STARD13: variants seen among roughly 807,000 people sequenced by gnomAD.
STARD13 encodes the protein StAR related lipid transfer domain containing 13.
In STARD13, 62 loss-of-function variants were observed where a neutral mutation model predicts 106.4. That is an observed-to-expected ratio of 0.58 (90% CI 0.48 to 0.72). The LOEUF (loss-of-function observed/expected upper bound fraction) is 0.72, where lower values mean the gene tolerates loss of function less well. Ranked by LOEUF, STARD13 falls within the 30% of genes least tolerant of loss-of-function variation. The probability of loss-of-function intolerance (pLI) is 0.00; values close to 1 mark genes in which losing one functional copy is unlikely to be tolerated. For missense variants in STARD13, 1,387 were observed against 1,424.0 expected (o/e 0.97, Z 0.42); for synonymous variants, 565 against 553.0 (o/e 1.02, Z -0.31).
chr13:33,461,390 C>A, the STARD13 span, among the ~76,000 whole-genome samples: 1 of 152,104 alleles, frequency 6.6e-6, no homozygotes, highest in African/African-American at 2.4e-5. Context: ...AGTGCTTGTG[C>A]TAAGTTTTGT....
At chr13:33,623,771 A>G in the STARD13 span, among the ~76,000 whole-genome samples, 3 of 152,144 alleles carry the variant, frequency 2.0e-5, no homozygotes, top group Non-Finnish European at 4.4e-5. Context: ...TACTAAAAAG[A>G]CAACCAAATC....
Position 33,285,533 on chromosome 13 carries a change from G to A in STARD13, c.106C>T (p.Arg36Cys). Residue 36 changes from arginine (R) to cysteine (C), a missense_variant, in exon 1 of 14, where the codon CGC (arginine) becomes TGC (cysteine). Arg to Cys is a radical substitution (Grantham distance 180). Coordinates refer to ENST00000336934, the MANE Select transcript of STARD13 (RefSeq NM_178006.4). ...ATCCGGCTCATCCTGTAAGGAGAGC[G>A]TCTTGTAGTCTGATCAAATCGCAAG... is the stretch of plus-strand genomic sequence containing the variant. ...MYLRFDQTTR[R>C]SPYRMSRILA... The A allele has an allele frequency of 6.2e-7, 1 of 1,614,066 alleles. No individual in the cohort carries two copies. Among genetic ancestry groups the A allele is most frequent in the Non-Finnish European group, 8.5e-7 (1 of 1,179,922 alleles).
the STARD13 span, among the ~76,000 whole-genome samples, chr13:33,528,904 G>A: frequency 6.6e-6 from 1 of 152,148 alleles, no homozygotes; most frequent in African/African-American, 2.4e-5. Flanking sequence ...AAAATTTCAT[G>A]TAAAGAGGGT....
At chr13:33,314,151 G>GGA (rs747469188) in intron 1 of STARD13, among the ~76,000 whole-genome samples, 1 of 152,100 alleles carries the variant, frequency 6.6e-6, no homozygotes, top group Non-Finnish European at 1.5e-5. Context: ...GCTGGCACCT[G>GGA]GAGAGAGACC....
chr13:33,547,872 G>C, the STARD13 span, among the ~76,000 whole-genome samples: 2 of 152,118 alleles, frequency 1.3e-5, no homozygotes, highest in Admixed American at 6.5e-5. Flanking sequence ...ATATTCATAA[G>C]AATCTTAGAT....
chr13:33,628,872 T>A, the STARD13 span, among the ~76,000 whole-genome samples: 1 of 152,356 alleles, frequency 6.6e-6, no homozygotes, highest in East Asian at 1.9e-4. Flanking sequence ...ACCCTGAGTT[T>A]CATTCTCTGT....
chr13:33,576,988 GTTT>G, the STARD13 span, among the ~76,000 whole-genome samples: 1 of 152,004 alleles, frequency 6.6e-6, no homozygotes, highest in South Asian at 2.1e-4. Flanking sequence ...CTCCCTTAAA[GTTT>G]TATGATTCAA....
the STARD13 span, among the ~76,000 whole-genome samples, chr13:33,442,483 T>C: frequency 6.6e-6 from 1 of 152,348 alleles, no homozygotes; most frequent in African/African-American, 2.4e-5. Context: ...GGCCAAGTAT[T>C]ATCTTGTCCT....
At chr13:33,567,155 C>CA in the STARD13 span, among the ~76,000 whole-genome samples, 1 of 148,350 alleles carries the variant, frequency 6.7e-6, no homozygotes, top group South Asian at 2.1e-4. Flanking sequence ...TACTCACACT[C>CA]ACTCAAATAC....
At chr13:33,636,067 A>C in the STARD13 span, among the ~76,000 whole-genome samples, 1 of 149,308 alleles carries the variant, frequency 6.7e-6, no homozygotes, top group Middle Eastern at 3.4e-3. Flanking sequence ...GCTTGAACCC[A>C]GGAAGTGGAG....
At chr13:33,264,893 C>T (rs901805531) in intron 1 of STARD13, among the ~76,000 whole-genome samples, 6 of 152,120 alleles carry the variant, frequency 3.9e-5, no homozygotes, top group Non-Finnish European at 7.4e-5. Context: ...AGAGACAACC[C>T]GTCTTGATGA....
the STARD13 span, among the ~76,000 whole-genome samples, chr13:33,563,237 G>A: frequency 6.0e-3 from 879 of 146,814 alleles, 108 homozygotes; most frequent in African/African-American, 0.021. Context: ...ATCATAAAAT[G>A]TATATGGAAC....
the STARD13 span, among the ~76,000 whole-genome samples, chr13:33,549,320 C>T: frequency 7.2e-5 from 11 of 152,284 alleles, 1 homozygote; most frequent in South Asian, 1.7e-3. Context: ...AATACACATT[C>T]TCTCATAAAA....
In STARD13 at chr13:33,253,521, C is replaced by T. The variant is rs553916289; in HGVS notation, c.169+31949G>A. On this transcript the variant is annotated intron_variant, in intron 1 of 13. Coordinates refer to ENST00000336934, the MANE Select transcript of STARD13 (RefSeq NM_178006.4). ...GTTCCACCTACAACAAGGGCCGCAG[C>T]GTGTATTTATAAGATGAAGCATGCT... is the stretch of plus-strand genomic sequence containing the variant. Among the ~76,000 whole-genome samples the T allele has an allele frequency of 2.6e-5, 4 of 152,296 alleles. No individual in the cohort carries two copies. In the East Asian group the frequency reaches 5.8e-4, roughly 22 times the overall value.
At chr13:33,160,468 T>C (rs577207028) in intron 3 of STARD13, among the ~76,000 whole-genome samples, 2 of 152,290 alleles carry the variant, frequency 1.3e-5, no homozygotes, top group East Asian at 1.9e-4. Flanking sequence ...AAACTTTTGT[T>C]CTGTGAAAGA....
At chr13:33,164,864 T>C (rs887006393) in intron 3 of STARD13, among the ~76,000 whole-genome samples, 3 of 152,164 alleles carry the variant, frequency 2.0e-5, no homozygotes, top group Non-Finnish European at 4.4e-5. Context: ...TTTGAGGAGA[T>C]AATCACTTGA....
chr13:33,173,080 G>A (rs578007508), intron 1 of STARD13, among the ~76,000 whole-genome samples: 2 of 152,268 alleles, frequency 1.3e-5, no homozygotes, highest in African/African-American at 4.8e-5. Flanking sequence ...AAAAGACTAC[G>A]GGTACCAGCA....
At chr13:33,213,473 A>G (rs770858886) in intron 1 of STARD13, among the ~76,000 whole-genome samples, 1 of 152,224 alleles carries the variant, frequency 6.6e-6, no homozygotes, top group Non-Finnish European at 1.5e-5. Flanking sequence ...TCACATCAGC[A>G]TCTTTCCTAC....
intron 1 of STARD13, among the ~76,000 whole-genome samples, chr13:33,168,518 G>C (rs1883585128): frequency 6.6e-6 from 1 of 152,168 alleles, no homozygotes; most frequent in Non-Finnish European, 1.5e-5. Flanking sequence ...ATGAATCCAA[G>C]GGGAAAGAAG....
Sources: allele counts gnomAD v4.1 joint callset (sites outside exome capture counted in the v4.1 genomes callset), GRCh38; gene constraint gnomAD v4.1.1; transcripts MANE v1.5; gene names NCBI Gene and HGNC (gene_info 2026-07-23, HGNC 2026-07-21).